Variants in SPOCK1 observed in about 807,000 individuals in gnomAD.
SPOCK1 encodes the protein testican-1.
SPOCK1 carries 23 observed loss-of-function variants against 55.3 expected under a neutral mutation model. That is an observed-to-expected ratio of 0.42 (90% CI 0.30 to 0.59). The LOEUF (loss-of-function observed/expected upper bound fraction) is 0.59, where lower values mean the gene tolerates loss of function less well. SPOCK1 is among the 20% of genes least tolerant of loss of function. SPOCK1 has a pLI of 0.22. For missense variants in SPOCK1, 499 were observed against 552.5 expected (o/e 0.90, Z 0.97); for synonymous variants, 226 against 221.0 (o/e 1.02, Z -0.20).
chr5:137,245,421 A>T (rs967619887), intron 3 of SPOCK1, among the ~76,000 whole-genome samples: 8 of 152,236 alleles, frequency 5.3e-5, no homozygotes, highest in African/African-American at 1.9e-4. Context: ...AGAAATAATT[A>T]TACCTCAAAT....
At chr5:137,489,151 A>C (rs572396085) in intron 2 of SPOCK1, among the ~76,000 whole-genome samples, 1 of 152,256 alleles carries the variant, frequency 6.6e-6, no homozygotes, top group Admixed American at 6.5e-5. Context: ...GCAGACTCAG[A>C]CCCAAGGGCA....
intron 5 of SPOCK1, among the ~76,000 whole-genome samples, chr5:137,105,540 C>A (rs905620227): frequency 6.6e-6 from 1 of 152,170 alleles, no homozygotes. Context: ...TTTGCTCCGA[C>A]CCTGAGAATA....
chr5:137,133,864 G>C (rs1344162527), intron 4 of SPOCK1, among the ~76,000 whole-genome samples: 1 of 151,064 alleles, frequency 6.6e-6, no homozygotes, highest in Non-Finnish European at 1.5e-5. Flanking sequence ...CCAGGGCATG[G>C]ACTAGTTGCT....
chr5:137,227,515 A>T (rs1755968101), intron 3 of SPOCK1, among the ~76,000 whole-genome samples: 1 of 152,200 alleles, frequency 6.6e-6, no homozygotes, highest in East Asian at 1.9e-4. Context: ...CGAAACAGAT[A>T]AGAGTCTTTG....
intron 2 of SPOCK1, among the ~76,000 whole-genome samples, chr5:137,464,196 G>C (rs1009620693): frequency 6.6e-6 from 1 of 152,086 alleles, no homozygotes; most frequent in Non-Finnish European, 1.5e-5. Context: ...AGCTACTTGT[G>C]GGGGCTGAGG....
intron 2 of SPOCK1, among the ~76,000 whole-genome samples, chr5:137,426,955 A>G (rs1752625008): frequency 6.6e-6 from 1 of 152,154 alleles, no homozygotes; most frequent in Non-Finnish European, 1.5e-5. Flanking sequence ...GAGTAGATGC[A>G]CTGCTGGGAA....
chr5:137,401,578 AAT>A (rs1466905932), intron 2 of SPOCK1, among the ~76,000 whole-genome samples: 55 of 150,812 alleles, frequency 3.6e-4, no homozygotes, highest in Non-Finnish European at 5.3e-4. Context: ...AAAAAAAAAA[AAT>A]GTAAGTTTAA....
At chr5:137,390,330 C>T (rs948290145) in intron 2 of SPOCK1, among the ~76,000 whole-genome samples, 1 of 152,138 alleles carries the variant, frequency 6.6e-6, no homozygotes, top group Non-Finnish European at 1.5e-5. Flanking sequence ...AATGCAATGA[C>T]CCCTGGGACC....
chr5:137,309,286 A>G (rs527398179), intron 2 of SPOCK1, among the ~76,000 whole-genome samples: 2 of 152,158 alleles, frequency 1.3e-5, no homozygotes, highest in Non-Finnish European at 2.9e-5. Flanking sequence ...AGCCCATAAG[A>G]AAACTGTATG....
At chr5:137,371,078 G>A (rs1015738659) in intron 2 of SPOCK1, among the ~76,000 whole-genome samples, 1 of 152,200 alleles carries the variant, frequency 6.6e-6, no homozygotes, top group African/African-American at 2.4e-5. Flanking sequence ...ATGCCTTCAG[G>A]CTTACACCCT....
intron 2 of SPOCK1, among the ~76,000 whole-genome samples, chr5:137,476,840 G>C (rs187591397): frequency 4.1e-4 from 62 of 152,180 alleles, no homozygotes; most frequent in African/African-American, 1.4e-3. Context: ...TGGAAGGATC[G>C]CTTGAACCTG....
At chr5:137,498,266 C>CCACA (rs544933594) in intron 2 of SPOCK1, 107 bp downstream of exon 2, 31,604 of 793,526 alleles carry the variant, frequency 0.04, 391 homozygotes, top group East Asian at 0.17. Flanking sequence ...CCCCTCCCAA[C>CCACA]CACACACACA....
At chr5:137,139,592 A>C (rs1754054401) in intron 4 of SPOCK1, among the ~76,000 whole-genome samples, 1 of 152,026 alleles carries the variant, frequency 6.6e-6, no homozygotes, top group Non-Finnish European at 1.5e-5. Context: ...ATCTTTATTT[A>C]TCTAAATTCA....
intron 2 of SPOCK1, among the ~76,000 whole-genome samples, chr5:137,333,792 T>A (rs774726513): frequency 1.3e-5 from 2 of 152,214 alleles, no homozygotes; most frequent in Non-Finnish European, 2.9e-5. Flanking sequence ...ATTAAATCTA[T>A]AAATACATAA....
At chr5:137,394,932 A>G (rs907466494) in intron 2 of SPOCK1, among the ~76,000 whole-genome samples, 2 of 152,208 alleles carry the variant, frequency 1.3e-5, no homozygotes, top group Admixed American at 1.3e-4. Flanking sequence ...TTACTCAGGG[A>G]AAGGGTAAAG....
chr5:137,190,724 G>C (rs1423204463), intron 3 of SPOCK1, among the ~76,000 whole-genome samples: 2 of 152,066 alleles, frequency 1.3e-5, no homozygotes, highest in Non-Finnish European at 2.9e-5. Flanking sequence ...CTGTCTACCA[G>C]CCTTCAGGTC....
At chr5:137,101,034 T>A (rs1753254517) in intron 5 of SPOCK1, among the ~76,000 whole-genome samples, 1 of 152,214 alleles carries the variant, frequency 6.6e-6, no homozygotes, top group South Asian at 2.1e-4. Flanking sequence ...CTAGGGCTTA[T>A]AAAGTAAGAT....
intron 3 of SPOCK1, among the ~76,000 whole-genome samples, chr5:137,246,832 A>G (rs1382295898): frequency 1.3e-5 from 2 of 152,030 alleles, no homozygotes; most frequent in African/African-American, 2.4e-5. Flanking sequence ...AAAATCACAG[A>G]GTGAGTTTCT....
chr5:137,372,275 A>G (rs764864160), intron 2 of SPOCK1, among the ~76,000 whole-genome samples: 19 of 152,196 alleles, frequency 1.2e-4, no homozygotes, highest in South Asian at 4.1e-4. Flanking sequence ...TCCACAGCCA[A>G]GCTCCTAACT....
Sources: allele counts gnomAD v4.1 joint callset (sites outside exome capture counted in the v4.1 genomes callset), GRCh38; gene constraint gnomAD v4.1.1; transcripts MANE v1.5; gene names NCBI Gene and HGNC (gene_info 2026-07-23, HGNC 2026-07-21).